VEGFC: variants seen among roughly 807,000 people sequenced by gnomAD.
VEGFC encodes vascular endothelial growth factor C, also known as FLT4 ligand DHM.
In VEGFC, 12 loss-of-function variants were observed where a neutral mutation model predicts 46.1. The ratio of observed to expected loss-of-function variants is 0.26; its 90% CI spans 0.17 to 0.42. The LOEUF is 0.42. Ranked by LOEUF, VEGFC falls within the 10% of genes least tolerant of loss-of-function variation. The pLI, the probability that VEGFC is intolerant of heterozygous loss-of-function variation, is 1.00. For missense variants in VEGFC, 488 were observed against 529.4 expected (o/e 0.92, Z 0.77); for synonymous variants, 232 against 195.5 (o/e 1.19, Z -1.56).
intron 1 of VEGFC, among the ~76,000 whole-genome samples, chr4:176,762,251 G>C (rs1166525905): frequency 6.6e-6 from 1 of 152,188 alleles, no homozygotes; most frequent in South Asian, 2.1e-4. Flanking sequence ...TAAGAATATG[G>C]GGGGAGGTGG....
rs1052404220 is a variant in VEGFC at position 176,683,555 on chromosome 4, T to C, written c.*371A>G. On this transcript the variant is annotated 3_prime_UTR_variant, in exon 7 of 7. Transcript: ENST00000618562. ...TTAGCAGCTTATAATACAATTTTCATTTTATTTTAAACATATTTTGCATGA... is the reference window on the plus strand; with the variant it reads ...TTAGCAGCTTATAATACAATTTTCACTTTATTTTAAACATATTTTGCATGA... 2 of 162,616 alleles carry C rather than the reference T, an allele frequency of 1.2e-5. No individual in the cohort carries two copies. Among genetic ancestry groups the C allele is most frequent in the African/African-American group, 4.8e-5 (2 of 41,692 alleles). 10.1% of individuals were successfully genotyped at this position (162,616 alleles called of 1,614,324 possible). A position where few individuals can be genotyped will look rare whatever the true frequency, so the allele number is the denominator to read the frequency against.
At chr4:176,772,798 T>C (rs181612590) in intron 1 of VEGFC, among the ~76,000 whole-genome samples, 9 of 152,270 alleles carry the variant, frequency 5.9e-5, no homozygotes, top group Non-Finnish European at 1.3e-4. Flanking sequence ...CCTTCCACCA[T>C]GAGAAGACAC....
intron 1 of VEGFC, among the ~76,000 whole-genome samples, chr4:176,790,514 C>T (rs1282286452): frequency 8.8e-6 from 1 of 113,618 alleles, no homozygotes; most frequent in East Asian, 3.3e-4. Context: ...AATCCCATAC[C>T]TATACATAAC....
At chr4:176,788,298 G>C (rs937256249) in intron 1 of VEGFC, among the ~76,000 whole-genome samples, 10 of 152,274 alleles carry the variant, frequency 6.6e-5, no homozygotes, top group African/African-American at 2.2e-4. Flanking sequence ...AGAAAGTCTG[G>C]GTTTATTTCC....
At chr4:176,721,877 TA>T (rs1002263203) in intron 3 of VEGFC, among the ~76,000 whole-genome samples, 1 of 151,492 alleles carries the variant, frequency 6.6e-6, no homozygotes, top group African/African-American at 2.4e-5. Context: ...TTGGGAAAAG[TA>T]AAAAAAAGTA....
At chr4:176,762,939 T>G (rs1735555839) in intron 1 of VEGFC, among the ~76,000 whole-genome samples, 1 of 152,188 alleles carries the variant, frequency 6.6e-6, no homozygotes, top group Non-Finnish European at 1.5e-5. Context: ...CCTCTCAATA[T>G]AAGGGCAAAC....
At chr4:176,726,387 G>T (rs925873637) in intron 3 of VEGFC, among the ~76,000 whole-genome samples, 12 of 142,674 alleles carry the variant, frequency 8.4e-5, no homozygotes, top group African/African-American at 2.6e-4. Context: ...TAAAAGAAAT[G>T]ATAGCAGGCC....
chr4:176,708,949 C>T (rs979355578), intron 4 of VEGFC, among the ~76,000 whole-genome samples: 1 of 152,126 alleles, frequency 6.6e-6, no homozygotes, highest in African/African-American at 2.4e-5. Flanking sequence ...AACTGAGTTT[C>T]AGAGACATAA....
chr4:176,699,986 AGTGAACAGAGTTGGG>A (rs1448224812), intron 4 of VEGFC, among the ~76,000 whole-genome samples: 1 of 152,258 alleles, frequency 6.6e-6, no homozygotes, highest in Non-Finnish European at 1.5e-5. Context: ...CAGGGAGAAC[AGTGAACAGAGTTGGG>A]GTTTGTTCAG....
chr4:176,686,927 A>G (rs868116138), intron 6 of VEGFC, among the ~76,000 whole-genome samples: 1 of 152,282 alleles, frequency 6.6e-6, no homozygotes, highest in Middle Eastern at 3.4e-3. Flanking sequence ...TTTTGAAAAC[A>G]TCCCACAGGA....
At position 176,750,386 on chromosome 4, in the gene VEGFC, G is replaced by T. The variant is rs1579121979; in HGVS notation, c.148-20640C>A. 2.0e-5 allele frequency among the ~76,000 whole-genome samples: 3 copies of T among 151,502 alleles called. No homozygotes were observed. In the East Asian group the frequency reaches 5.8e-4, roughly 29 times the overall value. On this transcript the variant is annotated intron_variant, in intron 1 of 6. Coordinates refer to ENST00000618562, the MANE Select transcript of VEGFC (RefSeq NM_005429.5). ...AAACAAAACTATATTTGTTTTGAAAGTTTAAAATAGAGACTGAAGAAAATA... is the reference window on the plus strand; with the variant it reads ...AAACAAAACTATATTTGTTTTGAAATTTTAAAATAGAGACTGAAGAAAATA...
At chr4:176,772,477 AG>A (rs1261005714) in intron 1 of VEGFC, among the ~76,000 whole-genome samples, 1 of 152,222 alleles carries the variant, frequency 6.6e-6, no homozygotes, top group Admixed American at 6.5e-5. Context: ...GGGTATACAA[AG>A]AGTACATCAA....
chr4:176,711,740 TTAGCTCTATATAAG>T, intron 3 of VEGFC, 90 bp from the exon 4 acceptor site: 1 of 1,341,438 alleles, frequency 7.5e-7, no homozygotes, highest in South Asian at 1.3e-5. Flanking sequence ...AAGAGTGAGA[TTAGCTCTATATAAG>T]TAGCTGCCTA....
chr4:176,770,724 G>C (rs1294280685), intron 1 of VEGFC, among the ~76,000 whole-genome samples: 1 of 152,090 alleles, frequency 6.6e-6, no homozygotes, highest in Non-Finnish European at 1.5e-5. Context: ...TCTTGAGGTG[G>C]TTTCAGAAGA....
chr4:176,746,320 A>G (rs1735256993), intron 1 of VEGFC, among the ~76,000 whole-genome samples: 1 of 151,968 alleles, frequency 6.6e-6, no homozygotes, highest in Non-Finnish European at 1.5e-5. Flanking sequence ...TTCTAAACTT[A>G]TTTTTAAGAA....
At chr4:176,785,821 T>C (rs1345268742) in intron 1 of VEGFC, among the ~76,000 whole-genome samples, 2 of 152,322 alleles carry the variant, frequency 1.3e-5, no homozygotes, top group Non-Finnish European at 2.9e-5. Context: ...GGTGTATGCA[T>C]GAATATGTGT....
At chr4:176,715,142 TA>T (rs1734676926) in intron 3 of VEGFC, among the ~76,000 whole-genome samples, 1 of 152,176 alleles carries the variant, frequency 6.6e-6, no homozygotes, top group Non-Finnish European at 1.5e-5. Flanking sequence ...AATCACAACA[TA>T]AAGGAATCAA....
intron 4 of VEGFC, among the ~76,000 whole-genome samples, chr4:176,693,898 G>T (rs1734257579): frequency 6.6e-6 from 1 of 151,468 alleles, no homozygotes; most frequent in Non-Finnish European, 1.5e-5. Flanking sequence ...AAGTGAAGGA[G>T]AAATAAAATA....
At chr4:176,715,389 A>C (rs767182169) in intron 3 of VEGFC, among the ~76,000 whole-genome samples, 3 of 152,210 alleles carry the variant, frequency 2.0e-5, no homozygotes, top group African/African-American at 4.8e-5. Flanking sequence ...TAATATTAAA[A>C]GTAGAAAGAG....
Sources: allele counts gnomAD v4.1 joint callset (sites outside exome capture counted in the v4.1 genomes callset), GRCh38; gene constraint gnomAD v4.1.1; transcripts MANE v1.5; gene names NCBI Gene and HGNC (gene_info 2026-07-23, HGNC 2026-07-21).